The following SH2B3 variants were observed in gnomAD, a reference collection of about 807,000 sequenced individuals.
SH2B3 encodes the protein SH2B adapter protein 3.
A neutral mutation model predicts 51.9 loss-of-function variants in SH2B3; 43 were observed. The observed-to-expected ratio is 0.83, with a 90% CI of 0.65 to 1.07. The LOEUF is 1.07. Among genes scored for constraint, SH2B3 ranks in the 50% least tolerant of loss-of-function variants. The pLI is 0.00. For synonymous variants in SH2B3, 396 were observed against 376.0 expected, an observed-to-expected ratio of 1.05 and a Z score of -0.62; for missense variants, 952 against 834.3, an observed-to-expected ratio of 1.14 and a Z score of -1.74.
In SH2B3 at chr12:111,407,845, C is replaced by T. The variant is rs184859653; in HGVS notation, c.-28+1568C>T. Among the ~76,000 whole-genome samples, 1 of 152,248 alleles carries T rather than the reference C, an allele frequency of 6.6e-6. No homozygotes were observed. Among genetic ancestry groups the T allele is most frequent in the East Asian group, 1.9e-4 (1 of 5,172 alleles). ...GTGGAGGAGGATAGTGAGGAGGGTC[C>T]TGGAGACTGTGCTTTGCTACTCCTA... is the stretch of plus-strand genomic sequence containing the variant. On this transcript the variant is annotated intron_variant, in intron 1 of 7. Transcript: ENST00000341259. This position sits in a 1 kb window ranked among gnomAD's most constrained non-coding sequence, Gnocchi z 4.3.
chr12:111,417,657 A>T (rs7299849), intron 1 of SH2B3, among the ~76,000 whole-genome samples: 30,934 of 151,470 alleles, frequency 0.2, 3,267 homozygotes, highest in East Asian at 0.32. Flanking sequence ...GGCTTTCACC[A>T]TGTTGCCCAG....
chr12:111,424,328 T>C (rs995818465), intron 2 of SH2B3, among the ~76,000 whole-genome samples: 6 of 151,998 alleles, frequency 3.9e-5, no homozygotes, highest in African/African-American at 1.5e-4. Context: ...GGAGAGCGCA[T>C]GTGCCACGTG....
chr12:111,418,971 C>A lies in SH2B3; in HGVS notation c.732+94C>A. 8.3e-7 allele frequency: 1 copy of A among 1,202,130 alleles called. No individual in the cohort carries two copies. The highest frequency in any genetic ancestry group is 1.1e-6 in the Non-Finnish European group (1 of 929,004). 74.5% of individuals were successfully genotyped at this position (1,202,130 alleles called of 1,614,324 possible). A position where few individuals can be genotyped will look rare whatever the true frequency, so the allele number is the denominator to read the frequency against. On this transcript the variant is annotated intron_variant, in intron 2 of 7. Coordinates refer to ENST00000341259, the MANE Select transcript of SH2B3 (RefSeq NM_005475.3). The surrounding 1 kb of genome is among the most constrained non-coding windows in gnomAD (Gnocchi z 6.7). ...GGGCTGGGGAGGTGTGATGGCTTTCCAGCTGGTGGCCACAGAGTGTCCAGA... is the reference window on the plus strand; with the variant it reads ...GGGCTGGGGAGGTGTGATGGCTTTCAAGCTGGTGGCCACAGAGTGTCCAGA...
chr12:111,405,020 G>A (rs983434780), upstream of SH2B3, among the ~76,000 whole-genome samples: 10 of 152,028 alleles, frequency 6.6e-5, no homozygotes, highest in African/African-American at 1.7e-4. The surrounding 1 kb of genome is among the most constrained non-coding windows in gnomAD (Gnocchi z 5.4). Context: ...CTCCCTCCCC[G>A]CCCTCCCACA....
intron 4 of SH2B3, 39 bp downstream of exon 4, chr12:111,447,072 T>C (rs759323846): frequency 1.2e-6 from 2 of 1,609,592 alleles, no homozygotes; most frequent in East Asian, 2.2e-5. Context: ...CCACCTTTGC[T>C]GCTACCACCC....
In SH2B3 at chr12:111,425,284, T is replaced by C. The variant is rs961988807; in HGVS notation, c.732+6407T>C. Among the ~76,000 whole-genome samples, 18 of 152,086 alleles carry C rather than the reference T, an allele frequency of 1.2e-4. No homozygotes were observed. The East Asian group carries it at 2.7e-3, about 23-fold the overall frequency. ...GTGTGGGTGGAGGAGATGTCTGTGT[T>C]TTCCAAGGTCAGGAGAAGGGGAGAA... On this transcript the variant is annotated intron_variant, in intron 2 of 7. Transcript: ENST00000341259.
Position 111,406,629 on chromosome 12 carries a change from G to GT in SH2B3, c.-28+353dup, listed in dbSNP as rs1323884312. Among the ~76,000 whole-genome samples the GT allele has an allele frequency of 6.6e-6, 1 of 152,210 alleles. No individual in the cohort carries two copies. The highest frequency in any genetic ancestry group is 1.9e-4 in the East Asian group (1 of 5,178). The stretch of plus-strand genomic sequence containing the variant: ...TGTGCCTGGGGAGGAGCGGTCAGGG[G>GT]TCACCCATTGCTACCCTGAAAGTGA... On this transcript the variant is annotated intron_variant, in intron 1 of 7. Transcript: ENST00000341259. The surrounding 1 kb of genome is among the most constrained non-coding windows in gnomAD (Gnocchi z 5.7).
At chr12:111,432,542 G>A (rs868758470) in intron 2 of SH2B3, among the ~76,000 whole-genome samples, 2 of 152,186 alleles carry the variant, frequency 1.3e-5, no homozygotes, top group South Asian at 4.1e-4. Flanking sequence ...AAATTCGCTT[G>A]TGTAAAGCGT....
At chr12:111,439,838 C>T (rs1593067071) in intron 2 of SH2B3, among the ~76,000 whole-genome samples, 1 of 152,218 alleles carries the variant, frequency 6.6e-6, no homozygotes, top group African/African-American at 2.4e-5. Flanking sequence ...AGGTGTCACA[C>T]TGTTTTCCAG....
At chr12:111,445,230 C>T (rs775560898) in intron 2 of SH2B3, among the ~76,000 whole-genome samples, 34 of 152,144 alleles carry the variant, frequency 2.2e-4, no homozygotes, top group Non-Finnish European at 4.6e-4. Flanking sequence ...TCCCAGTGAT[C>T]CTTAAGGCCT....
At chr12:111,441,241 G>C (rs548321440) in intron 2 of SH2B3, among the ~76,000 whole-genome samples, 2 of 151,880 alleles carry the variant, frequency 1.3e-5, no homozygotes, top group Non-Finnish European at 2.9e-5. Context: ...AGCCACATGT[G>C]GTGGCATGTG....
In SH2B3 at chr12:111,445,321, T is replaced by C. The variant is rs555749145; in HGVS notation, c.733-1432T>C. Among the ~76,000 whole-genome samples, 6 of 152,228 alleles carry C rather than the reference T, an allele frequency of 3.9e-5. No homozygotes were observed. In the South Asian group the frequency reaches 1.2e-3, roughly 32 times the overall value. ...GAAGTGGCCACTCGCACCTTACCCATCTTGCAGACAGGAAATGAAGGCTCT... is the reference window on the plus strand; with the variant it reads ...GAAGTGGCCACTCGCACCTTACCCACCTTGCAGACAGGAAATGAAGGCTCT... On this transcript the variant is annotated intron_variant, in intron 2 of 7. Coordinates refer to ENST00000341259, the MANE Select transcript of SH2B3 (RefSeq NM_005475.3).
chr12:111,436,187 G>A (rs1209264958), intron 2 of SH2B3, among the ~76,000 whole-genome samples: 3 of 152,216 alleles, frequency 2.0e-5, no homozygotes, highest in Non-Finnish European at 4.4e-5. Flanking sequence ...GGCCAGAATG[G>A]TGCCCTGTGC....
At position 111,410,848 on chromosome 12, in the gene SH2B3, C is replaced by G. The variant is rs1870643839; in HGVS notation, c.-28+4571C>G. Reference sequence around the variant, plus strand: ...CAGTGTGTGTCAGAATCCCACAACTCTCTGGGCCTCCTTAGGCCACAGGGT... The same window carrying G: ...CAGTGTGTGTCAGAATCCCACAACTGTCTGGGCCTCCTTAGGCCACAGGGT... On this transcript the variant is annotated intron_variant, in intron 1 of 7. Transcript: ENST00000341259. This position sits in a 1 kb window ranked among gnomAD's most constrained non-coding sequence, Gnocchi z 4.9. Among the ~76,000 whole-genome samples, 1 of 152,226 alleles carries G rather than the reference C, an allele frequency of 6.6e-6. No individual in the cohort carries two copies. Among genetic ancestry groups the G allele is most frequent in the Admixed American group, 6.5e-5 (1 of 15,290 alleles).
Position 111,444,839 on chromosome 12 carries a change from T to C in SH2B3, c.733-1914T>C, listed in dbSNP as rs1396275007. 9 of 985,566 alleles carry C rather than the reference T, an allele frequency of 9.1e-6. No homozygotes were observed. The South Asian group carries it at 4.2e-4, about 46-fold the overall frequency. 61.1% of individuals were successfully genotyped at this position (985,566 alleles called of 1,614,324 possible). ...TGCAACCTGGCTGGAGCCTCTGGCA[T>C]AGGACACCCATACCACCAGGTAGCT... On this transcript the variant is annotated intron_variant, in intron 2 of 7. Coordinates refer to ENST00000341259, the MANE Select transcript of SH2B3 (RefSeq NM_005475.3).
chr12:111,418,541 CTG>C lies in SH2B3; in HGVS notation c.397_398del (p.Cys133LeufsTer38). 1 of 1,451,470 alleles carries C rather than the reference CTG, an allele frequency of 6.9e-7. No homozygotes were observed. The highest frequency in any genetic ancestry group is 2.4e-5 in the Admixed American group (1 of 42,040). 89.9% of individuals were successfully genotyped at this position (1,451,470 alleles called of 1,614,324 possible). ...ELAPPRPPGP[C>X]SFQHFRRSLR... ...TGGCCCCGCCGCGGCCGCCCGGGCC[CTG>C]CTCCTTCCAGCACTTTCGCCGCAGC... On this transcript the variant is annotated frameshift_variant, in exon 2 of 8. Transcript: ENST00000341259. LOFTEE classifies it high-confidence loss of function. This position sits in a 1 kb window ranked among gnomAD's most constrained non-coding sequence, Gnocchi z 6.7.
At chr12:111,430,226 C>A (rs907639305) in intron 2 of SH2B3, among the ~76,000 whole-genome samples, 6 of 152,212 alleles carry the variant, frequency 3.9e-5, no homozygotes, top group Admixed American at 2.0e-4. Context: ...GCGGCCCCAG[C>A]CACACACACT....
rs148799157 is a variant in SH2B3 at position 111,422,706 on chromosome 12, G to T, written c.732+3829G>T. On this transcript the variant is annotated intron_variant, in intron 2 of 7. Coordinates refer to ENST00000341259, the MANE Select transcript of SH2B3 (RefSeq NM_005475.3). ...CTCCCGAGTAGCTGGGATTACAGGC[G>T]CATGCTACCACGCCTGGCTAATTTT... Among the ~76,000 whole-genome samples the T allele has an allele frequency of 5.5e-4, 83 of 152,160 alleles. No individual in the cohort carries two copies. In the Middle Eastern group the frequency reaches 0.01, roughly 19 times the overall value.
chr12:111,425,953 GT>G (rs1387260333), intron 2 of SH2B3, among the ~76,000 whole-genome samples: 1 of 152,178 alleles, frequency 6.6e-6, no homozygotes, highest in African/African-American at 2.4e-5. Flanking sequence ...GCATCACAAA[GT>G]TATTGAATCA....
Sources: gnomAD v4.1 joint callset for allele counts (sites outside exome capture counted in the v4.1 genomes callset) on GRCh38, gnomAD v4.1.1 for gene constraint, Gnocchi (gnomAD v3.1) non-coding constraint, MANE v1.5 for transcripts, NCBI Gene and HGNC (gene_info 2026-07-23, HGNC 2026-07-21) for gene names.